The following SCNN1B variants were observed in gnomAD, a reference collection of about 807,000 sequenced individuals.
The protein encoded by SCNN1B is sodium channel epithelial 1 subunit beta.
A neutral mutation model predicts 65.3 loss-of-function variants in SCNN1B; 46 were observed. The observed-to-expected ratio is 0.70, with a 90% CI of 0.56 to 0.90. SCNN1B has a LOEUF of 0.90. SCNN1B is among the 40% of genes least tolerant of loss of function. The pLI is 0.00. For synonymous variants in SCNN1B, 349 were observed against 330.6 expected, an observed-to-expected ratio of 1.06 and a Z score of -0.60; for missense variants, 751 against 830.5, an observed-to-expected ratio of 0.90 and a Z score of 1.18.
chr16:23,365,654 G>A (rs949433431), intron 4 of SCNN1B, among the ~76,000 whole-genome samples: 1 of 151,966 alleles, frequency 6.6e-6, no homozygotes, highest in African/African-American at 2.4e-5. Flanking sequence ...AGGAGAGGGG[G>A]GTTGATAGGA....
chr16:23,280,385 G>A (rs1221832371), intron 1 of SCNN1B, among the ~76,000 whole-genome samples: 1 of 151,766 alleles, frequency 6.6e-6, no homozygotes, highest in South Asian at 2.1e-4. Context: ...TCACTATGCC[G>A]GCTAATTTTT....
intron 4 of SCNN1B, among the ~76,000 whole-genome samples, chr16:23,366,663 C>T (rs1469822833): frequency 6.6e-6 from 1 of 151,960 alleles, no homozygotes; most frequent in Non-Finnish European, 1.5e-5. Flanking sequence ...AGATTCTCCT[C>T]AGCCTGGAGT....
intron 1 of SCNN1B, among the ~76,000 whole-genome samples, chr16:23,279,075 GT>G (rs58063863): frequency 0.13 from 14,458 of 115,618 alleles, 1,962 homozygotes; most frequent in African/African-American, 0.38. Context: ...TGTGTGTGGG[GT>G]GTGTGTGTGT....
At chr16:23,315,973 C>T (rs1961444960) in intron 1 of SCNN1B, among the ~76,000 whole-genome samples, 1 of 150,662 alleles carries the variant, frequency 6.6e-6, no homozygotes, top group Admixed American at 6.6e-5. Context: ...TCACCATCAC[C>T]ATCCTCACCA....
chr16:23,331,075 G>C (rs1440894652), intron 1 of SCNN1B, among the ~76,000 whole-genome samples: 1 of 152,152 alleles, frequency 6.6e-6, no homozygotes, highest in Non-Finnish European at 1.5e-5. Context: ...TCCATCTCAG[G>C]ACCAGCTAGA....
At chr16:23,309,105 C>T (rs1243084392) in intron 1 of SCNN1B, among the ~76,000 whole-genome samples, 1 of 152,106 alleles carries the variant, frequency 6.6e-6, no homozygotes, top group Non-Finnish European at 1.5e-5. Flanking sequence ...AAGGCATGTC[C>T]CTCTCGGTCC....
chr16:23,346,270 G>C (rs1012226208), intron 1 of SCNN1B, among the ~76,000 whole-genome samples: 2 of 133,348 alleles, frequency 1.5e-5, no homozygotes, highest in African/African-American at 3.0e-5. Flanking sequence ...GGAGTGCAGT[G>C]GGGCGATCTC....
chr16:23,346,200 C>CTTTTTCTTT (rs1962182955), intron 1 of SCNN1B, among the ~76,000 whole-genome samples: 1 of 78,018 alleles, frequency 1.3e-5, no homozygotes, highest in African/African-American at 6.4e-5. Context: ...TTTTCCTTTT[C>CTTTTTCTTT]TTTTTTTTTT....
intron 11 of SCNN1B, 49 bp downstream of exon 11, chr16:23,378,816 A>G: frequency 1.3e-6 from 2 of 1,567,354 alleles, no homozygotes; most frequent in Non-Finnish European, 8.8e-7. Context: ...AGGGGTCCAG[A>G]AACTCGGGGC....
chr16:23,304,231 ACATACGGACCCAT>A (rs1211260230), intron 1 of SCNN1B: 2 of 703,056 alleles, frequency 2.8e-6, no homozygotes, highest in Non-Finnish European at 4.9e-6. Flanking sequence ...TCCACTGCTC[ACATACGGACCCAT>A]GAATGCATGC....
chr16:23,380,022 G>C lies in SCNN1B; in HGVS notation c.1467-72G>C. 1.8e-6 allele frequency: 2 copies of C among 1,114,582 alleles called. No individual in the cohort carries two copies. Among genetic ancestry groups the C allele is most frequent in the Admixed American group, 1.7e-5 (1 of 59,242 alleles). The allele number at this position is 1,114,582 out of a possible 1,614,324, so 69.0% of individuals were successfully genotyped here. A position where few individuals can be genotyped will look rare whatever the true frequency, so the allele number is the denominator to read the frequency against. The stretch of plus-strand genomic sequence containing the variant: ...CGTGCATGTGTGTGCATGTGTCTAT[G>C]TGCGTGTGTGTGTGTCTGTCTGTTT... On this transcript the variant is annotated intron_variant, in intron 11 of 12. Transcript: ENST00000343070. This position sits in a 1 kb window ranked among gnomAD's most constrained non-coding sequence, Gnocchi z 5.4.
chr16:23,282,649 G>A (rs1224605255), intron 1 of SCNN1B, among the ~76,000 whole-genome samples: 5 of 152,214 alleles, frequency 3.3e-5, no homozygotes, highest in Non-Finnish European at 5.9e-5. Flanking sequence ...CAGGGCCAGA[G>A]CAGAAGCAAC....
chr16:23,300,041 G>C (rs1433208908), upstream of SCNN1B, among the ~76,000 whole-genome samples: 3 of 152,164 alleles, frequency 2.0e-5, no homozygotes, highest in Non-Finnish European at 4.4e-5. Context: ...GTCCTTTGCA[G>C]GGACATGGAT....
intron 1 of SCNN1B, among the ~76,000 whole-genome samples, chr16:23,307,158 C>A (rs1296185927): frequency 6.6e-6 from 1 of 152,100 alleles, no homozygotes; most frequent in Non-Finnish European, 1.5e-5. Flanking sequence ...TAAAGTGGAA[C>A]TAGTACTAAA....
chr16:23,344,899 T>C (rs1161411760), intron 1 of SCNN1B, among the ~76,000 whole-genome samples: 1 of 151,778 alleles, frequency 6.6e-6, no homozygotes, highest in Non-Finnish European at 1.5e-5. Context: ...GTGGCTAAGG[T>C]GGGAGGATCA....
chr16:23,301,423 G>GAA (rs200507119), upstream of SCNN1B, among the ~76,000 whole-genome samples: 4,665 of 147,196 alleles, frequency 0.032, 252 homozygotes, highest in African/African-American at 0.12. Flanking sequence ...TGGAGAGAGA[G>GAA]AGAGAGAAAG....
intron 1 of SCNN1B, among the ~76,000 whole-genome samples, chr16:23,307,754 GA>G (rs1267270132): frequency 6.6e-6 from 1 of 152,304 alleles, no homozygotes; most frequent in East Asian, 1.9e-4. Flanking sequence ...ATCATCACCT[GA>G]GCTTGTTGGA....
chr16:23,301,452 G>GA (rs1323106669), upstream of SCNN1B, among the ~76,000 whole-genome samples: 13 of 151,372 alleles, frequency 8.6e-5, no homozygotes, highest in African/African-American at 2.9e-4. Flanking sequence ...GAGAAAGAAA[G>GA]AAAAGAAAAG....
intron 4 of SCNN1B, among the ~76,000 whole-genome samples, chr16:23,360,411 TG>T (rs1962523186): frequency 6.6e-6 from 1 of 151,678 alleles, no homozygotes. Flanking sequence ...TAGCCCGGCG[TG>T]GTGGTACACA....
Sources: gnomAD v4.1 joint callset for allele counts (sites outside exome capture counted in the v4.1 genomes callset) on GRCh38, gnomAD v4.1.1 for gene constraint, Gnocchi (gnomAD v3.1) non-coding constraint, MANE v1.5 for transcripts, NCBI Gene and HGNC (gene_info 2026-07-23, HGNC 2026-07-21) for gene names.